The following HUNK variants were observed in gnomAD, a reference collection of about 807,000 sequenced individuals.
HUNK encodes hormonally up-regulated neu tumor-associated kinase.
Under a neutral mutation model 61.0 loss-of-function variants are expected in HUNK, and 21 were observed. The ratio of observed to expected loss-of-function variants is 0.34; its 90% CI spans 0.24 to 0.50. The LOEUF (loss-of-function observed/expected upper bound fraction) is 0.50. Ranked by LOEUF, HUNK falls within the 20% of genes least tolerant of loss-of-function variation. The pLI is 0.98. For missense variants in HUNK, 772 were observed against 945.7 expected (o/e 0.82, Z 2.41); for synonymous variants, 371 against 386.1 (o/e 0.96, Z 0.46).
chr21:31,927,604 A>C (rs2052669902), intron 2 of HUNK, among the ~76,000 whole-genome samples: 1 of 151,920 alleles, frequency 6.6e-6, no homozygotes, highest in Non-Finnish European at 1.5e-5. Flanking sequence ...AGATCACGCC[A>C]CTGCACTCCA....
chr21:31,912,624 G>A (rs947478374), intron 1 of HUNK, among the ~76,000 whole-genome samples: 11 of 152,012 alleles, frequency 7.2e-5, no homozygotes, highest in South Asian at 2.1e-4. Flanking sequence ...TCACTGCAGC[G>A]TCAACCTCCC....
chr21:31,976,086 A>C (rs1311841227), intron 7 of HUNK, among the ~76,000 whole-genome samples: 1 of 152,200 alleles, frequency 6.6e-6, no homozygotes, highest in East Asian at 1.9e-4. Context: ...AAAGATCTAC[A>C]TGAGAAGAAG....
intron 5 of HUNK, among the ~76,000 whole-genome samples, chr21:31,961,886 A>T (rs2052931525): frequency 6.6e-6 from 1 of 152,230 alleles, no homozygotes; most frequent in Non-Finnish European, 1.5e-5. Flanking sequence ...TCATTGTATT[A>T]GTCAGAATAG....
chr21:31,939,622 G>A (rs969043728), intron 2 of HUNK, among the ~76,000 whole-genome samples: 3 of 151,554 alleles, frequency 2.0e-5, no homozygotes, highest in Non-Finnish European at 4.4e-5. Context: ...TAGTCAGGCT[G>A]GTCTCGAACT....
rs2053202509 is a variant in HUNK, at chr21:31,995,948, G to A, written c.1486G>A (p.Asp496Asn). The A allele has an allele frequency of 3.1e-6, 5 of 1,612,236 alleles. No individual in the cohort carries two copies. The highest frequency in any genetic ancestry group is 4.2e-6 in the Non-Finnish European group (5 of 1,178,940). Residue 496 changes from aspartate to asparagine, a missense_variant and splice_region_variant, in exon 10 of 11, where the codon GAT becomes AAT. By Grantham distance (23) the Asp-to-Asn change is conservative. This residue lies in a region of HUNK where 413 missense variants were observed against 444.4 expected (regional missense o/e 0.93). Transcript: ENST00000270112. ...KASKSSFPDK[D>N]SFGCRNIFRK... ...CTCCAAGTCCAGCTTCCCCGACAAA[G>A]GTGGGTCAGCTCTGGGGACTCTCTC...
chr21:31,997,661 T>C (rs2053215200), intron 10 of HUNK, among the ~76,000 whole-genome samples: 1 of 152,210 alleles, frequency 6.6e-6, no homozygotes, highest in East Asian at 1.9e-4. Flanking sequence ...AGTGTGAATA[T>C]ACTTATTATT....
At chr21:31,950,816 TTC>T (rs1447506878) in intron 4 of HUNK, among the ~76,000 whole-genome samples, 1 of 152,158 alleles carries the variant, frequency 6.6e-6, no homozygotes, top group Non-Finnish European at 1.5e-5. Flanking sequence ...ATAAAATGGC[TTC>T]TCTCTTTATG....
At chr21:31,982,447 G>A (rs767898468) in intron 7 of HUNK, among the ~76,000 whole-genome samples, 10 of 152,220 alleles carry the variant, frequency 6.6e-5, no homozygotes, top group East Asian at 1.9e-4. Context: ...TTTACACCCC[G>A]TGTATAATTT....
At chr21:31,893,566 T>C (rs1426059421) in intron 1 of HUNK, among the ~76,000 whole-genome samples, 2 of 152,174 alleles carry the variant, frequency 1.3e-5, no homozygotes, top group Non-Finnish European at 2.9e-5. Context: ...ATTTCTGGGA[T>C]TGATGACATC....
chr21:31,886,148 G>A (rs118162257), intron 1 of HUNK, among the ~76,000 whole-genome samples: 2,668 of 152,232 alleles, frequency 0.018, 75 homozygotes, highest in Admixed American at 0.07. Context: ...GGGGCTAGGC[G>A]CAGTGGCTCA....
intron 1 of HUNK, among the ~76,000 whole-genome samples, chr21:31,879,102 CTA>C (rs2052287155): frequency 6.6e-6 from 1 of 152,184 alleles, no homozygotes; most frequent in South Asian, 2.1e-4. Context: ...ATACGATTTA[CTA>C]TGTTTTGCAG....
chr21:31,934,399 C>T (rs901370189), intron 2 of HUNK, among the ~76,000 whole-genome samples: 2 of 146,874 alleles, frequency 1.4e-5, no homozygotes, highest in Non-Finnish European at 3.0e-5. Flanking sequence ...GCTGAGATCA[C>T]GCCACTGCAC....
intron 8 of HUNK, among the ~76,000 whole-genome samples, chr21:31,988,513 A>T (rs2053148952): frequency 1.3e-5 from 2 of 152,162 alleles, no homozygotes; most frequent in South Asian, 4.2e-4. Context: ...AACTTTTCAC[A>T]GTTCTGGAGG....
intron 1 of HUNK, among the ~76,000 whole-genome samples, chr21:31,883,655 T>C (rs2052325756): frequency 6.6e-6 from 1 of 152,186 alleles, no homozygotes; most frequent in South Asian, 2.1e-4. Context: ...AGAAGGATAA[T>C]TGATAAGTTT....
rs1410950231 is a variant in HUNK at position 31,988,814 on chromosome 21, G to A, written c.1258-1315G>A. ...TCTGCCTTCCCTCTCCTCTCCCCTC[G>A]CTTCCTCCTCCTCTCCCCTCCCCTC... is the stretch of plus-strand genomic sequence containing the variant. On this transcript the variant is annotated intron_variant, in intron 8 of 10. Transcript: ENST00000270112. 7.5e-5 allele frequency among the ~76,000 whole-genome samples: 8 copies of A among 106,646 alleles called. No homozygotes were observed. In the Admixed American group the frequency reaches 8.8e-4, roughly 12 times the overall value. The allele number at this position is 106,646 out of a possible 152,430, so 70.0% of individuals were successfully genotyped here. A position where few individuals can be genotyped will look rare whatever the true frequency, so the allele number is the denominator to read the frequency against.
intron 1 of HUNK, among the ~76,000 whole-genome samples, chr21:31,915,622 A>G (rs1185667537): frequency 6.6e-6 from 1 of 151,986 alleles, no homozygotes; most frequent in East Asian, 1.9e-4. Flanking sequence ...CTCATTTTGG[A>G]GATTGGATAC....
chr21:31,970,167 C>T (rs567183694), intron 6 of HUNK, among the ~76,000 whole-genome samples: 1 of 152,270 alleles, frequency 6.6e-6, no homozygotes, highest in African/African-American at 2.4e-5. Flanking sequence ...TCTAGAAACA[C>T]CCACCAAGCC....
At chr21:31,994,455 A>C (rs1368143630) in intron 9 of HUNK, among the ~76,000 whole-genome samples, 2 of 152,226 alleles carry the variant, frequency 1.3e-5, no homozygotes, top group Non-Finnish European at 2.9e-5. Flanking sequence ...GCTTCTCAAC[A>C]ACATGAATGA....
intron 10 of HUNK, among the ~76,000 whole-genome samples, chr21:31,998,095 T>A (rs567393533): frequency 1.6e-4 from 25 of 152,142 alleles, no homozygotes; most frequent in Non-Finnish European, 2.9e-4. Context: ...TTTTTTAAAA[T>A]TTTTTTAGAG....
Sources: gnomAD v4.1 joint callset for allele counts (sites outside exome capture counted in the v4.1 genomes callset) on GRCh38, gnomAD v4.1.1 for gene constraint, gnomAD v4.1.1 regional missense constraint, MANE v1.5 for transcripts, NCBI Gene and HGNC (gene_info 2026-07-23, HGNC 2026-07-21) for gene names.